DMRT1: variants seen among roughly 807,000 people sequenced by gnomAD.
DMRT1 encodes doublesex and mab-3 related transcription factor 1.
DMRT1 carries 7 observed loss-of-function variants against 32.3 expected under a neutral mutation model. The ratio of observed to expected loss-of-function variants is 0.22; its 90% CI spans 0.12 to 0.41. The LOEUF (loss-of-function observed/expected upper bound fraction) is 0.41, where lower values mean the gene tolerates loss of function less well. Ranked by LOEUF, DMRT1 falls within the 10% of genes least tolerant of loss-of-function variation. DMRT1 has a pLI of 1.00. For missense variants in DMRT1, 625 were observed against 500.5 expected (o/e 1.25, Z -2.37); for synonymous variants, 278 against 206.1 (o/e 1.35, Z -2.99).
intron 4 of DMRT1, among the ~76,000 whole-genome samples, chr9:917,541 G>A (rs1230600667): frequency 6.6e-6 from 1 of 152,156 alleles, no homozygotes; most frequent in East Asian, 1.9e-4. Context: ...TCCAGATCCC[G>A]TGTTTAAGTT....
intron 4 of DMRT1, among the ~76,000 whole-genome samples, chr9:959,847 C>G (rs1431630512): frequency 6.6e-6 from 1 of 152,174 alleles, no homozygotes; most frequent in Non-Finnish European, 1.5e-5. Context: ...TGGTTTTAGA[C>G]TTGAGACTGT....
At chr9:863,952 G>A (rs1426499155) in intron 2 of DMRT1, among the ~76,000 whole-genome samples, 2 of 152,050 alleles carry the variant, frequency 1.3e-5, no homozygotes. Flanking sequence ...GATATGAGGT[G>A]CAAGTTTCCC....
chr9:908,767 C>G lies in DMRT1; in HGVS notation c.823-7996C>G, dbSNP rs548909383. ...TTAAAACATCTTAAATGAATCACTT[C>G]TGAAATGGTTGGTTCTCTCTGCCCT... On this transcript the variant is annotated intron_variant, in intron 3 of 4. Coordinates refer to ENST00000382276, the MANE Select transcript of DMRT1 (RefSeq NM_021951.3). Among the ~76,000 whole-genome samples the G allele has an allele frequency of 3.3e-5, 5 of 152,252 alleles. 1 individual carries two copies. The highest frequency in any genetic ancestry group is 3.3e-4 in the Admixed American group (5 of 15,280).
chr9:951,916 T>C (rs1379491934), intron 4 of DMRT1, among the ~76,000 whole-genome samples: 1 of 152,212 alleles, frequency 6.6e-6, no homozygotes, highest in African/African-American at 2.4e-5. Flanking sequence ...GCTCTCTTCT[T>C]ACAGGAAGGG....
chr9:855,674 C>T (rs1420780329), intron 2 of DMRT1, among the ~76,000 whole-genome samples: 2 of 152,232 alleles, frequency 1.3e-5, no homozygotes, highest in Non-Finnish European at 2.9e-5. Flanking sequence ...GGCTAGAATG[C>T]AGTGGTGCCA....
chr9:852,990 G>A (rs984010759), intron 2 of DMRT1, among the ~76,000 whole-genome samples: 4 of 152,162 alleles, frequency 2.6e-5, no homozygotes, highest in Admixed American at 2.0e-4. Context: ...AAATGTGTTC[G>A]TTTGAAAATG....
intron 4 of DMRT1, among the ~76,000 whole-genome samples, chr9:921,476 A>G (rs1310052996): frequency 6.6e-6 from 1 of 152,148 alleles, no homozygotes; most frequent in Non-Finnish European, 1.5e-5. Context: ...CTTTGTTTGA[A>G]TGTCTGATTT....
chr9:845,518 C>G (rs1240212641), intron 1 of DMRT1, among the ~76,000 whole-genome samples: 1 of 152,044 alleles, frequency 6.6e-6, no homozygotes, highest in Non-Finnish European at 1.5e-5. Flanking sequence ...TTTTTTCAAT[C>G]TTTAACGGTG....
At chr9:862,729 G>A (rs1815774109) in intron 2 of DMRT1, among the ~76,000 whole-genome samples, 1 of 152,144 alleles carries the variant, frequency 6.6e-6, no homozygotes, top group Non-Finnish European at 1.5e-5. Context: ...ACGTTGAAGT[G>A]TAGTTTTGGT....
intron 4 of DMRT1, among the ~76,000 whole-genome samples, chr9:945,092 G>A (rs941728922): frequency 6.6e-6 from 1 of 152,110 alleles, no homozygotes; most frequent in African/African-American, 2.4e-5. Flanking sequence ...TTCAAAAAGT[G>A]AAAATAAAGT....
intron 4 of DMRT1, among the ~76,000 whole-genome samples, chr9:926,761 A>G (rs1180306665): frequency 6.6e-6 from 1 of 152,190 alleles, no homozygotes; most frequent in Non-Finnish European, 1.5e-5. Context: ...ATGCTCTGAC[A>G]TAGCCAGGTT....
At chr9:929,653 T>G (rs2129849128) in intron 4 of DMRT1, among the ~76,000 whole-genome samples, 1 of 152,254 alleles carries the variant, frequency 6.6e-6, no homozygotes, top group East Asian at 1.9e-4. Context: ...GTTAATCCAC[T>G]GCTGCTCAGA....
chr9:947,246 T>C (rs1819276289), intron 4 of DMRT1, among the ~76,000 whole-genome samples: 1 of 152,184 alleles, frequency 6.6e-6, no homozygotes, highest in Admixed American at 6.5e-5. Context: ...CTTAAAACAT[T>C]ATGAGATCGT....
At position 900,686 on chromosome 9, in the gene DMRT1, A is replaced by AT. The variant is rs531727921; in HGVS notation, c.822+6506dup. ...GACAGCAGAATGCAAAATCTACTTA[A>AT]TTTTTTTTTTTTTTTGGAGACAGCG... On this transcript the variant is annotated intron_variant, in intron 3 of 4. Coordinates refer to ENST00000382276, the MANE Select transcript of DMRT1 (RefSeq NM_021951.3). Among the ~76,000 whole-genome samples, 1,073 of 144,168 alleles carry AT rather than the reference A, an allele frequency of 7.4e-3. 9 individuals are homozygous for AT. Among genetic ancestry groups the AT allele is most frequent in the African/African-American group, 8.7e-3 (344 of 39,606 alleles). The allele number at this position is 144,168 out of a possible 152,430, so 94.6% of individuals were successfully genotyped here. A position where few individuals can be genotyped will look rare whatever the true frequency, so the allele number is the denominator to read the frequency against.
chr9:945,166 T>TC (rs1223876455), intron 4 of DMRT1, among the ~76,000 whole-genome samples: 18 of 152,306 alleles, frequency 1.2e-4, no homozygotes, highest in Admixed American at 7.8e-4. Flanking sequence ...TTTCTTTCTT[T>TC]TTTTTGACAT....
intron 1 of DMRT1, among the ~76,000 whole-genome samples, chr9:843,115 C>T (rs1838760016): frequency 6.6e-6 from 1 of 152,208 alleles, no homozygotes; most frequent in Non-Finnish European, 1.5e-5. Context: ...CCTCGAGCGT[C>T]CCCAGAATCT....
intron 4 of DMRT1, among the ~76,000 whole-genome samples, chr9:921,130 C>G (rs571901113): frequency 6.6e-6 from 1 of 152,176 alleles, no homozygotes; most frequent in Non-Finnish European, 1.5e-5. Flanking sequence ...TTGCAAGGCA[C>G]TTTCATCACC....
At chr9:926,076 G>A (rs1818513953) in intron 4 of DMRT1, among the ~76,000 whole-genome samples, 1 of 152,228 alleles carries the variant, frequency 6.6e-6, no homozygotes, top group Non-Finnish European at 1.5e-5. Context: ...GCCTGATGCA[G>A]AAATGCCCCC....
chr9:939,214 C>T lies in DMRT1; in HGVS notation c.967+22307C>T, dbSNP rs551846095. On this transcript the variant is annotated intron_variant, in intron 4 of 4. Coordinates refer to ENST00000382276, the MANE Select transcript of DMRT1 (RefSeq NM_021951.3). ...AGTTCAGCTTCTTCCTTTCAAGATGCTTCCATCCCAGTGCTTACCCTCCAC... is the reference window on the plus strand; with the variant it reads ...AGTTCAGCTTCTTCCTTTCAAGATGTTTCCATCCCAGTGCTTACCCTCCAC... 5.9e-5 allele frequency among the ~76,000 whole-genome samples: 9 copies of T among 152,354 alleles called. No homozygotes were observed. In the South Asian group the frequency reaches 1.9e-3, roughly 32 times the overall value.
Sources: gnomAD v4.1 joint callset for allele counts (sites outside exome capture counted in the v4.1 genomes callset) on GRCh38, gnomAD v4.1.1 for gene constraint, MANE v1.5 for transcripts, NCBI Gene and HGNC (gene_info 2026-07-23, HGNC 2026-07-21) for gene names.